The following RMC1 variants were observed in gnomAD, a reference collection of about 807,000 sequenced individuals.
RMC1 encodes the protein regulator of MON1-CCZ1 complex.
A neutral mutation model predicts 95.5 loss-of-function variants in RMC1; 44 were observed. The ratio of observed to expected loss-of-function variants is 0.46; its 90% CI spans 0.36 to 0.59. RMC1 has a LOEUF of 0.59. RMC1 is among the 20% of genes least tolerant of loss of function. The pLI, the probability that RMC1 is intolerant of heterozygous loss-of-function variation, is 0.00. For missense variants in RMC1, 705 were observed against 819.6 expected, an observed-to-expected ratio of 0.86 and a Z score of 1.71; for synonymous variants, 320 against 303.6, an observed-to-expected ratio of 1.05 and a Z score of -0.56.
At chr18:23,508,083 G>GGCCC in intron 4 of RMC1, 42 bp downstream of exon 4, 1 of 1,569,676 alleles carries the variant, frequency 6.4e-7, no homozygotes, top group Non-Finnish European at 8.7e-7. Flanking sequence ...TGTCAGTGGT[G>GGCCC]TTGAGCTGGG....
chr18:23,505,129 C>CT (rs771367933), intron 2 of RMC1, among the ~76,000 whole-genome samples: 1 of 152,186 alleles, frequency 6.6e-6, no homozygotes, highest in Non-Finnish European at 1.5e-5. Context: ...GCGATCTTGG[C>CT]TGACTGCAAC....
chr18:23,531,788 T>C lies in RMC1; in HGVS notation c.*84T>C, dbSNP rs2058518861. Reference sequence around the variant, plus strand: ...AAGCTCTTTAAACTATAAAATGTTATAAAGTGTATCTACAACCTCAACTGT... The same window carrying C: ...AAGCTCTTTAAACTATAAAATGTTACAAAGTGTATCTACAACCTCAACTGT... On this transcript the variant is annotated 3_prime_UTR_variant, in exon 20 of 20. Coordinates refer to ENST00000269221, the MANE Select transcript of RMC1 (RefSeq NM_013326.5). The C allele has an allele frequency of 1.0e-5, 16 of 1,552,014 alleles. No homozygotes were observed. Among genetic ancestry groups the C allele is most frequent in the Non-Finnish European group, 1.3e-5 (15 of 1,156,864 alleles).
rs1248874373 is a variant in RMC1 at position 23,531,761 on chromosome 18, TAAAGC to T, written c.*58_*62del. On this transcript the variant is annotated 3_prime_UTR_variant, in exon 20 of 20. Coordinates refer to ENST00000269221, the MANE Select transcript of RMC1 (RefSeq NM_013326.5). ...GTACAAAGTTAATTTATTGCATTAA[TAAAGC>T]TCTTTAAACTATAAAATGTTATAAA... 1 of 1,582,388 alleles carries T rather than the reference TAAAGC, an allele frequency of 6.3e-7. No homozygotes were observed. Among genetic ancestry groups the T allele is most frequent in the Admixed American group, 1.9e-5 (1 of 52,188 alleles).
rs149825361 is a variant in RMC1 at position 23,529,146 on chromosome 18, C to T, written c.1297-33C>T. On this transcript the variant is annotated intron_variant, in intron 14 of 19. Transcript: ENST00000269221. ...AAACAGCACCCTTCCTCTAAGATGC[C>T]GAAGATCATAGTTTGTGGTTTTTTT... The T allele has an allele frequency of 4.9e-4, 784 of 1,599,444 alleles. 10 individuals are homozygous for T. The African/African-American group carries it at 9.5e-3, about 19-fold the overall frequency.
chr18:23,507,858 T>C lies in RMC1; in HGVS notation c.265-127T>C, dbSNP rs1598841803. Reference sequence around the variant, plus strand: ...TTTTATCTTTCCTGTGTTTTGGTTGTCTTCAGTTATTTTCTGGTCACTTTT... The same window carrying C: ...TTTTATCTTTCCTGTGTTTTGGTTGCCTTCAGTTATTTTCTGGTCACTTTT... On this transcript the variant is annotated intron_variant, in intron 3 of 19. Coordinates refer to ENST00000269221, the MANE Select transcript of RMC1 (RefSeq NM_013326.5). The C allele has an allele frequency of 2.9e-5, 20 of 678,370 alleles. No homozygotes were observed. The South Asian group carries it at 7.4e-4, about 25-fold the overall frequency. 42.0% of individuals were successfully genotyped at this position (678,370 alleles called of 1,614,324 possible). A position where few individuals can be genotyped will look rare whatever the true frequency, so the allele number is the denominator to read the frequency against.
intron 7 of RMC1, among the ~76,000 whole-genome samples, chr18:23,518,310 G>A (rs1211828280): frequency 6.6e-6 from 1 of 152,158 alleles, no homozygotes; most frequent in Admixed American, 6.5e-5. Context: ...GGGCAACATA[G>A]TGAGACCCTG....
At chr18:23,528,094 G>A (rs3765633) in intron 14 of RMC1, 193 bp downstream of exon 14, 8 of 523,492 alleles carry the variant, frequency 1.5e-5, no homozygotes, top group Non-Finnish European at 2.3e-5. Context: ...TGCATCCCAC[G>A]AGCTGGCGGC....
At chr18:23,517,752 C>T (rs2058047320) in intron 7 of RMC1, among the ~76,000 whole-genome samples, 1 of 151,924 alleles carries the variant, frequency 6.6e-6, no homozygotes. Context: ...GAGTGTCGCT[C>T]TGTTGCCCAG....
chr18:23,504,228 A>G (rs1375844440), intron 1 of RMC1, 143 bp from the exon 2 acceptor site: 2 of 667,462 alleles, frequency 3.0e-6, no homozygotes, highest in East Asian at 2.6e-5. Context: ...CTGAGCAGCC[A>G]AACATCTGTA....
At chr18:23,519,898 C>G (rs1160271692) in intron 9 of RMC1, among the ~76,000 whole-genome samples, 2 of 152,156 alleles carry the variant, frequency 1.3e-5, no homozygotes, top group East Asian at 1.9e-4. Context: ...GGTGGTGACG[C>G]TAACTCTGTG....
At chr18:23,531,087 T>C (rs1310254417) in intron 19 of RMC1, among the ~76,000 whole-genome samples, 2 of 149,716 alleles carry the variant, frequency 1.3e-5, no homozygotes, top group Non-Finnish European at 3.0e-5. Context: ...CTCCGCTGGG[T>C]TCAAGCGATT....
In RMC1 at chr18:23,518,919, G is replaced by A. The variant is rs2058076289; in HGVS notation, c.683G>A (p.Arg228Lys). 1.2e-6 allele frequency: 2 copies of A among 1,614,112 alleles called. No homozygotes were observed. The highest frequency in any genetic ancestry group is 8.5e-7 in the Non-Finnish European group (1 of 1,180,008). The change falls in exon 8 of 20, where the codon AGG becomes AAG. Residue 228 changes from arginine to lysine, a missense_variant. Coordinates refer to ENST00000269221, the MANE Select transcript of RMC1 (RefSeq NM_013326.5). Reference sequence around the variant, plus strand: ...GGGCAGCTGTATGTTCTCTTCTTGAGGCATCATTCTCGGACCTCCAACAGC... The same window carrying A: ...GGGCAGCTGTATGTTCTCTTCTTGAAGCATCATTCTCGGACCTCCAACAGC... ...IYGQLYVLFL[R>K]HHSRTSNSTG...
At chr18:23,527,926 G>T in intron 14 of RMC1, 25 bp downstream of exon 14, 1 of 1,550,278 alleles carries the variant, frequency 6.5e-7, no homozygotes, top group Non-Finnish European at 8.9e-7. Flanking sequence ...GTATGACAAA[G>T]GGTCCTCCTC....
chr18:23,527,664 G>GTATTGTCTTTCT, intron 13 of RMC1, 131 bp from the exon 14 acceptor site: 1 of 607,866 alleles, frequency 1.6e-6, no homozygotes, highest in Non-Finnish European at 3.0e-6. Context: ...GGTCTTTAAA[G>GTATTGTCTTTCT]TAGAGTGTCC....
At chr18:23,513,108 C>T (rs1486101026) in intron 5 of RMC1, among the ~76,000 whole-genome samples, 2 of 152,070 alleles carry the variant, frequency 1.3e-5, no homozygotes, top group African/African-American at 2.4e-5. Context: ...TGTGCGCCAC[C>T]ACGCCTGGCT....
intron 19 of RMC1, 107 bp downstream of exon 19, chr18:23,530,719 A>G: frequency 9.7e-7 from 1 of 1,031,914 alleles, no homozygotes; most frequent in Non-Finnish European, 1.4e-6. Context: ...TGTAAACAAC[A>G]CAATTTGATA....
intron 4 of RMC1, chr18:23,508,590 A>C (rs2057771299): frequency 6.6e-6 from 1 of 152,540 alleles, no homozygotes; most frequent in African/African-American, 2.4e-5. Context: ...GCGCTGACAG[A>C]AGCTGCTAGT....
At chr18:23,520,379 T>C in intron 10 of RMC1, 66 bp downstream of exon 10, 3 of 1,287,026 alleles carry the variant, frequency 2.3e-6, no homozygotes, top group South Asian at 1.3e-5. Flanking sequence ...CTCACCATGA[T>C]CTTTGGGAGT....
intron 14 of RMC1, 44 bp downstream of exon 14, chr18:23,527,945 C>T (rs753271426): frequency 1.4e-6 from 2 of 1,443,702 alleles, no homozygotes; most frequent in Admixed American, 2.0e-5. Flanking sequence ...TCCCCCACCC[C>T]CTCCCGGGTA....
Sources: allele counts gnomAD v4.1 joint callset (sites outside exome capture counted in the v4.1 genomes callset), GRCh38; gene constraint gnomAD v4.1.1; transcripts MANE v1.5; gene names NCBI Gene and HGNC (gene_info 2026-07-23, HGNC 2026-07-21).